Variants in PPARGC1A observed in about 807,000 individuals in gnomAD.
PPARGC1A encodes peroxisome proliferator-activated receptor gamma coactivator 1-alpha.
In PPARGC1A, 25 loss-of-function variants were observed where a neutral mutation model predicts 88.7. The observed-to-expected ratio is 0.28, with a 90% CI of 0.21 to 0.39. The LOEUF (loss-of-function observed/expected upper bound fraction) is 0.39, where lower values mean the gene tolerates loss of function less well. PPARGC1A is among the 10% of genes least tolerant of loss of function. The probability of loss-of-function intolerance (pLI) is 1.00; values close to 1 mark genes in which losing one functional copy is unlikely to be tolerated. For missense variants in PPARGC1A, 880 were observed against 968.7 expected, an observed-to-expected ratio of 0.91 and a Z score of 1.22; for synonymous variants, 363 against 355.6, an observed-to-expected ratio of 1.02 and a Z score of -0.24.
intron 2 of PPARGC1A, among the ~76,000 whole-genome samples, chr4:23,853,205 G>A (rs976399204): frequency 6.6e-6 from 1 of 152,078 alleles, no homozygotes; most frequent in Non-Finnish European, 1.5e-5. Context: ...TCGATTAAAG[G>A]AAAGTACAGA....
chr4:24,236,428 A>G, the PPARGC1A span, among the ~76,000 whole-genome samples: 1 of 152,202 alleles, frequency 6.6e-6, no homozygotes, highest in Non-Finnish European at 1.5e-5. Flanking sequence ...CAGTACCTTA[A>G]GATGTGCATG....
chr4:24,379,529 G>A, the PPARGC1A span, among the ~76,000 whole-genome samples: 1 of 151,824 alleles, frequency 6.6e-6, no homozygotes, highest in Admixed American at 6.6e-5. Context: ...AATATCACAT[G>A]TACCTCATAA....
chr4:24,132,136 T>C, the PPARGC1A span, among the ~76,000 whole-genome samples: 1 of 152,244 alleles, frequency 6.6e-6, no homozygotes, highest in South Asian at 2.1e-4. Flanking sequence ...GGTGCTGTTA[T>C]TATCCCTGTT....
At chr4:24,365,742 G>A in the PPARGC1A span, among the ~76,000 whole-genome samples, 1 of 151,900 alleles carries the variant, frequency 6.6e-6, no homozygotes. Flanking sequence ...TAAACACTGA[G>A]GTCTTTATTA....
chr4:24,224,077 G>A, the PPARGC1A span, among the ~76,000 whole-genome samples: 2 of 152,208 alleles, frequency 1.3e-5, no homozygotes, highest in Non-Finnish European at 1.5e-5. Context: ...GAGTTGAGTA[G>A]GGGCATTGAT....
At chr4:24,375,739 G>A in the PPARGC1A span, among the ~76,000 whole-genome samples, 1 of 152,244 alleles carries the variant, frequency 6.6e-6, no homozygotes, top group Non-Finnish European at 1.5e-5. Context: ...AGACAAAAAT[G>A]GAGATAGCCC....
the PPARGC1A span, among the ~76,000 whole-genome samples, chr4:24,358,833 C>T: frequency 1.3e-5 from 2 of 152,200 alleles, no homozygotes; most frequent in Non-Finnish European, 2.9e-5. Flanking sequence ...CCAGTGAACC[C>T]TGAGCGTGGC....
chr4:24,255,685 G>C, the PPARGC1A span, among the ~76,000 whole-genome samples: 1 of 152,190 alleles, frequency 6.6e-6, no homozygotes, highest in Non-Finnish European at 1.5e-5. Context: ...GCATGATCAA[G>C]AGGCATAATC....
intron 2 of PPARGC1A, among the ~76,000 whole-genome samples, chr4:23,832,832 G>A (rs183302115): frequency 1.7e-3 from 256 of 151,884 alleles, no homozygotes; most frequent in African/African-American, 5.8e-3. Flanking sequence ...GGATGGTCTC[G>A]ATCTCCTGAC....
At chr4:23,999,130 C>T in the PPARGC1A span, among the ~76,000 whole-genome samples, 415 of 152,304 alleles carry the variant, frequency 2.7e-3, 2 homozygotes, top group African/African-American at 9.4e-3. Flanking sequence ...CTAGCAAGTG[C>T]ATATCTACGA....
chr4:24,253,648 A>G, the PPARGC1A span, among the ~76,000 whole-genome samples: 1 of 152,258 alleles, frequency 6.6e-6, no homozygotes, highest in Non-Finnish European at 1.5e-5. Flanking sequence ...AAAGTGAGAC[A>G]TCTAGGACAC....
chr4:23,830,316 T>C (rs1188338637), intron 3 of PPARGC1A, among the ~76,000 whole-genome samples: 1 of 152,204 alleles, frequency 6.6e-6, no homozygotes, highest in Non-Finnish European at 1.5e-5. Context: ...GGCAAAGTAT[T>C]TGCTGTCTCC....
At chr4:23,866,316 C>G (rs1056122707) in intron 2 of PPARGC1A, 1 of 152,126 alleles carries the variant, frequency 6.6e-6, no homozygotes, top group African/African-American at 2.4e-5. Flanking sequence ...ATAGCTTGAA[C>G]TGTAAAGATT....
At chr4:24,376,671 C>T in the PPARGC1A span, among the ~76,000 whole-genome samples, 1 of 152,070 alleles carries the variant, frequency 6.6e-6, no homozygotes, top group African/African-American at 2.4e-5. Context: ...TTTATGGGTG[C>T]CTAAAAAAGG....
intron 2 of PPARGC1A, among the ~76,000 whole-genome samples, chr4:23,845,231 C>T (rs372512988): frequency 1.3e-5 from 2 of 152,100 alleles, no homozygotes; most frequent in South Asian, 2.1e-4. Flanking sequence ...GTGTTTTTTA[C>T]ATTATGTAAG....
At chr4:24,122,997 G>A in the PPARGC1A span, among the ~76,000 whole-genome samples, 5 of 152,254 alleles carry the variant, frequency 3.3e-5, no homozygotes, top group East Asian at 9.7e-4. Context: ...AATGGGGAAG[G>A]CTAAAGTTCT....
chr4:24,374,681 A>C, the PPARGC1A span, among the ~76,000 whole-genome samples: 3 of 152,126 alleles, frequency 2.0e-5, no homozygotes, highest in Non-Finnish European at 1.5e-5. Flanking sequence ...TGGAAATCAA[A>C]AACACGAGAT....
the PPARGC1A span, among the ~76,000 whole-genome samples, chr4:24,111,165 T>C: frequency 2.0e-5 from 3 of 152,242 alleles, no homozygotes; most frequent in Non-Finnish European, 4.4e-5. Context: ...TGTGTATTTA[T>C]TAAACACCTA....
the PPARGC1A span, among the ~76,000 whole-genome samples, chr4:24,466,631 C>A: frequency 6.6e-6 from 1 of 152,090 alleles, no homozygotes; most frequent in Admixed American, 6.5e-5. Flanking sequence ...TGTCACTGCT[C>A]TTTAATTACC....
Sources: allele counts gnomAD v4.1 joint callset (sites outside exome capture counted in the v4.1 genomes callset), GRCh38; gene constraint gnomAD v4.1.1; transcripts MANE v1.5; gene names NCBI Gene and HGNC (gene_info 2026-07-23, HGNC 2026-07-21).